The following SPAG16 variants were observed in gnomAD, a reference collection of about 807,000 sequenced individuals.
SPAG16 encodes the protein sperm-associated antigen 16 protein.
SPAG16 carries 86 observed loss-of-function variants against 80.4 expected under a neutral mutation model. The observed-to-expected ratio is 1.07, with a 90% CI of 0.90 to 1.28. The LOEUF (loss-of-function observed/expected upper bound fraction) is 1.28. Among genes scored for constraint, SPAG16 ranks in the 50% most tolerant of loss-of-function variants. The pLI is 0.00. For missense variants in SPAG16, 870 were observed against 765.3 expected, an observed-to-expected ratio of 1.14 and a Z score of -1.61; for synonymous variants, 294 against 265.9, an observed-to-expected ratio of 1.11 and a Z score of -1.03.
chr2:213,828,563 A>G (rs2073435124), intron 10 of SPAG16, among the ~76,000 whole-genome samples: 1 of 151,968 alleles, frequency 6.6e-6, no homozygotes, highest in African/African-American at 2.4e-5. Flanking sequence ...GTTTTTCTGG[A>G]TTGTCCTGAT....
At position 213,655,201 on chromosome 2, in the gene SPAG16, C is replaced by A. The variant is rs181440351; in HGVS notation, c.1070+165111C>A. Among the ~76,000 whole-genome samples, 150 of 152,170 alleles carry A rather than the reference C, an allele frequency of 9.9e-4. 1 individual carries two copies. The Middle Eastern group carries it at 0.027, about 28-fold the overall frequency. The stretch of plus-strand genomic sequence containing the variant: ...CCATTCTGGTGACCAATATTGATGA[C>A]GAGGGAGGCTGTGCGTATATAGGAT... On this transcript the variant is annotated intron_variant, in intron 10 of 15. Coordinates refer to ENST00000331683, the MANE Select transcript of SPAG16 (RefSeq NM_024532.5).
chr2:214,149,414 T>G, intron 15 of SPAG16, 148 bp downstream of exon 15: 2 of 701,542 alleles, frequency 2.9e-6, no homozygotes, highest in Non-Finnish European at 4.0e-6. Context: ...TAAGATATAT[T>G]TTATCATTAC....
chr2:213,364,042 G>A, intron 7 of SPAG16, 34 bp from the exon 8 acceptor site: 13 of 1,114,188 alleles, frequency 1.2e-5, no homozygotes, highest in Non-Finnish European at 1.5e-5. Flanking sequence ...GTCATTTAGT[G>A]TATAATTTCA....
chr2:213,287,470 T>C (rs1341407595), intron 1 of SPAG16, among the ~76,000 whole-genome samples: 1 of 152,198 alleles, frequency 6.6e-6, no homozygotes, highest in African/African-American at 2.4e-5. Flanking sequence ...AAAGAGACTT[T>C]GTTCAAGGAA....
chr2:214,202,544 C>CA (rs995765937), intron 15 of SPAG16, among the ~76,000 whole-genome samples: 29 of 152,236 alleles, frequency 1.9e-4, no homozygotes, highest in African/African-American at 7.0e-4. Flanking sequence ...TGGTCACCAT[C>CA]GGGGCAGAGG....
At position 213,920,396 on chromosome 2, in the gene SPAG16, G is replaced by T. The variant is rs537722724; in HGVS notation, c.1215-9564G>T. Among the ~76,000 whole-genome samples, 6 of 152,278 alleles carry T rather than the reference G, an allele frequency of 3.9e-5. No homozygotes were observed. The South Asian group carries it at 1.2e-3, about 32-fold the overall frequency. ...GTGTCACTGGTCTGTATACTGGCAG[G>T]TTAGGATGCATGCACACACACGTTG... On this transcript the variant is annotated intron_variant, in intron 11 of 15. Coordinates refer to ENST00000331683, the MANE Select transcript of SPAG16 (RefSeq NM_024532.5).
intron 10 of SPAG16, among the ~76,000 whole-genome samples, chr2:213,827,785 C>G (rs1280965983): frequency 6.6e-6 from 1 of 151,834 alleles, no homozygotes; most frequent in East Asian, 1.9e-4. Flanking sequence ...CCTGGCTATA[C>G]TATTCTAGGA....
chr2:213,546,224 T>G (rs2076607951), intron 10 of SPAG16, among the ~76,000 whole-genome samples: 1 of 152,144 alleles, frequency 6.6e-6, no homozygotes. Context: ...CTGTAAACAC[T>G]TAGGCTTGCT....
chr2:214,150,426 A>G (rs1014497207), intron 15 of SPAG16, among the ~76,000 whole-genome samples: 7 of 152,054 alleles, frequency 4.6e-5, no homozygotes, highest in African/African-American at 1.7e-4. Flanking sequence ...CCAGAATTAA[A>G]AAAAGAAAAC....
intron 13 of SPAG16, among the ~76,000 whole-genome samples, chr2:214,093,152 T>A (rs2052337663): frequency 6.6e-6 from 1 of 152,088 alleles, no homozygotes; most frequent in South Asian, 2.1e-4. Flanking sequence ...TCTCTGATCC[T>A]TTAGTTCTCT....
At chr2:214,286,643 T>C (rs1013597446) in intron 15 of SPAG16, among the ~76,000 whole-genome samples, 2 of 152,054 alleles carry the variant, frequency 1.3e-5, no homozygotes, top group Non-Finnish European at 2.9e-5. Flanking sequence ...TCTACTTGGG[T>C]GGCTGAGGCA....
At chr2:213,524,763 G>T (rs886874660) in intron 10 of SPAG16, among the ~76,000 whole-genome samples, 4 of 152,202 alleles carry the variant, frequency 2.6e-5, no homozygotes, top group African/African-American at 9.6e-5. Flanking sequence ...TACTCCCATT[G>T]TATCTAAAAA....
At chr2:213,943,281 A>G (rs929304639) in intron 12 of SPAG16, among the ~76,000 whole-genome samples, 2 of 152,184 alleles carry the variant, frequency 1.3e-5, no homozygotes, top group Non-Finnish European at 2.9e-5. Flanking sequence ...GAGTCTGGAA[A>G]GATTTTGAGG....
At chr2:213,574,128 T>C (rs1313280013) in intron 10 of SPAG16, among the ~76,000 whole-genome samples, 1 of 152,228 alleles carries the variant, frequency 6.6e-6, no homozygotes, top group Non-Finnish European at 1.5e-5. Flanking sequence ...GCAAGTTTAT[T>C]AATTTTCTCT....
chr2:214,060,099 G>C (rs2050178432), intron 13 of SPAG16, among the ~76,000 whole-genome samples: 2 of 152,094 alleles, frequency 1.3e-5, no homozygotes, highest in Non-Finnish European at 2.9e-5. Flanking sequence ...ACCTTTGAAA[G>C]ACTACACAAA....
intron 14 of SPAG16, among the ~76,000 whole-genome samples, chr2:214,131,091 G>C (rs1249565713): frequency 1.3e-5 from 2 of 152,136 alleles, no homozygotes; most frequent in East Asian, 1.9e-4. Flanking sequence ...TAGGTGTCGT[G>C]GGAGATTCAA....
At chr2:213,664,390 T>A (rs1371203841) in intron 10 of SPAG16, among the ~76,000 whole-genome samples, 1 of 152,104 alleles carries the variant, frequency 6.6e-6, no homozygotes, top group African/African-American at 2.4e-5. Context: ...ATAACTATAT[T>A]TGTTATTTAA....
intron 15 of SPAG16, among the ~76,000 whole-genome samples, chr2:214,343,102 A>C (rs1463404306): frequency 6.6e-6 from 1 of 152,228 alleles, no homozygotes; most frequent in Non-Finnish European, 1.5e-5. Flanking sequence ...CAAAAATGCC[A>C]TGTTACAAAA....
chr2:213,587,393 A>G (rs929107745), intron 10 of SPAG16, among the ~76,000 whole-genome samples: 3 of 152,154 alleles, frequency 2.0e-5, no homozygotes, highest in Admixed American at 6.5e-5. Flanking sequence ...ATTGAGGAGT[A>G]CAGCAACAGA....
Sources: allele counts gnomAD v4.1 joint callset (sites outside exome capture counted in the v4.1 genomes callset), GRCh38; gene constraint gnomAD v4.1.1; transcripts MANE v1.5; gene names NCBI Gene and HGNC (gene_info 2026-07-23, HGNC 2026-07-21).